Variants in PRKCZ observed in about 807,000 individuals in gnomAD.
PRKCZ encodes protein kinase C zeta type.
A neutral mutation model predicts 79.5 loss-of-function variants in PRKCZ; 33 were observed. The observed-to-expected ratio is 0.41, with a 90% CI of 0.31 to 0.55. The LOEUF is 0.55. PRKCZ is among the 20% of genes least tolerant of loss of function. PRKCZ has a pLI of 0.19. For missense variants in PRKCZ, 578 were observed against 813.5 expected (o/e 0.71, Z 3.52); for synonymous variants, 342 against 320.9 (o/e 1.07, Z -0.70).
intron 4 of PRKCZ, 86 bp from the exon 5 acceptor site, chr1:2,135,176 G>T: frequency 8.5e-7 from 1 of 1,183,272 alleles, no homozygotes; most frequent in Non-Finnish European, 1.2e-6. Flanking sequence ...CCACCACCTG[G>T]ACGGGAGTGG....
chr1:2,074,245 T>C (rs1252734779), intron 4 of PRKCZ: 5 of 1,550,270 alleles, frequency 3.2e-6, no homozygotes, highest in Non-Finnish European at 4.4e-6. Flanking sequence ...CAGGGGCTGC[T>C]GGAGGGACAT....
rs1390025405 is a variant in PRKCZ, at chr1:2,121,717, G to A, written c.335-13545G>A. Among the ~76,000 whole-genome samples the A allele has an allele frequency of 6.0e-5, 7 of 115,962 alleles. 2 individuals are homozygous for A. Among genetic ancestry groups the A allele is most frequent in the African/African-American group, 1.8e-4 (5 of 27,818 alleles). The allele number at this position is 115,962 out of a possible 152,430, so 76.1% of individuals were successfully genotyped here. On this transcript the variant is annotated intron_variant, in intron 4 of 17. Coordinates refer to ENST00000378567, the MANE Select transcript of PRKCZ (RefSeq NM_002744.6). ...GTGGTTAGGGTCACGGTGGTAGTTAGGGTCACGGCGGTACTTAGGGTCACG... is the reference window on the plus strand; with the variant it reads ...GTGGTTAGGGTCACGGTGGTAGTTAAGGTCACGGCGGTACTTAGGGTCACG...
intron 4 of PRKCZ, among the ~76,000 whole-genome samples, chr1:2,090,277 G>A (rs554603280): frequency 1.9e-3 from 295 of 152,314 alleles, no homozygotes; most frequent in Admixed American, 3.2e-3. Flanking sequence ...TTGGCAAGGG[G>A]TTCCCATGGC....
chr1:2,161,160 G>A (rs1018829101), intron 10 of PRKCZ, among the ~76,000 whole-genome samples: 6 of 152,222 alleles, frequency 3.9e-5, no homozygotes, highest in South Asian at 4.1e-4. Context: ...CAGCGTGGGC[G>A]CAGCCGCCTC....
At position 2,148,860 on chromosome 1, in the gene PRKCZ, C is replaced by T. The variant is rs574007909; in HGVS notation, c.635-12C>T. 12 of 1,613,680 alleles carry T rather than the reference C, an allele frequency of 7.4e-6. No homozygotes were observed. The highest frequency in any genetic ancestry group is 1.0e-5 in the Non-Finnish European group (12 of 1,179,678). ...CACCGTAACGCCCCTTCCTTCCTCC[C>T]TCTCTCACCAGTTGCTTACATTTCC... On this transcript the variant is annotated splice_polypyrimidine_tract_variant and intron_variant, in intron 7 of 17. Coordinates refer to ENST00000378567, the MANE Select transcript of PRKCZ (RefSeq NM_002744.6).
chr1:2,130,524 G>C (rs777147882), intron 4 of PRKCZ, among the ~76,000 whole-genome samples: 3 of 152,128 alleles, frequency 2.0e-5, no homozygotes, highest in Non-Finnish European at 4.4e-5. Flanking sequence ...AAACCAATAG[G>C]GTGTGTGTAT....
intron 15 of PRKCZ, 97 bp from the exon 16 acceptor site, chr1:2,175,127 G>A: frequency 2.9e-6 from 3 of 1,044,842 alleles, no homozygotes; most frequent in South Asian, 2.7e-5. Flanking sequence ...AGCATCGGGG[G>A]AGGGCTTGTC....
intron 4 of PRKCZ, among the ~76,000 whole-genome samples, chr1:2,065,861 A>C (rs58996500): frequency 1.3e-5 from 2 of 152,222 alleles, no homozygotes; most frequent in African/African-American, 4.8e-5. Context: ...TGTTTTTATC[A>C]GGAAAGGGCT....
chr1:2,095,243 G>A (rs1666252150), intron 4 of PRKCZ, among the ~76,000 whole-genome samples: 2 of 152,314 alleles, frequency 1.3e-5, no homozygotes, highest in African/African-American at 4.8e-5. Context: ...TGGTTTCCCT[G>A]AGGTTCCCTC....
chr1:2,121,334 C>G (rs1338738480), intron 4 of PRKCZ, among the ~76,000 whole-genome samples: 1 of 152,172 alleles, frequency 6.6e-6, no homozygotes, highest in African/African-American at 2.4e-5. Context: ...GCGTGTACTT[C>G]CGGAATGCTA....
chr1:2,114,873 G>A (rs1176480995), intron 4 of PRKCZ, among the ~76,000 whole-genome samples: 3 of 152,190 alleles, frequency 2.0e-5, no homozygotes, highest in Admixed American at 1.3e-4. Flanking sequence ...TTACGGCCTG[G>A]GTGCCTCCAT....
At chr1:2,143,822 ACT>A (rs1677908090) in intron 5 of PRKCZ, 1 of 165,770 alleles carries the variant, frequency 6.0e-6, no homozygotes, top group Non-Finnish European at 1.3e-5. Context: ...ACCCCCACAC[ACT>A]CTGCTTAGCC....
chr1:2,071,543 G>T (rs770404737), intron 4 of PRKCZ: 5 of 179,592 alleles, frequency 2.8e-5, no homozygotes, highest in Non-Finnish European at 6.1e-5. Context: ...ATTCAGCTTT[G>T]TCTCAAATTA....
intron 4 of PRKCZ, among the ~76,000 whole-genome samples, chr1:2,096,007 C>T (rs929814976): frequency 3.3e-5 from 5 of 149,664 alleles, no homozygotes; most frequent in Non-Finnish European, 5.9e-5. Context: ...CCTCACTCTG[C>T]GGAGTAAATG....
At position 2,073,929 on chromosome 1, in the gene PRKCZ, G is replaced by T; in HGVS notation, c.334+14338G>T. On this transcript the variant is annotated intron_variant, in intron 4 of 17. Coordinates refer to ENST00000378567, the MANE Select transcript of PRKCZ (RefSeq NM_002744.6). The stretch of plus-strand genomic sequence containing the variant: ...GCTGAGGAGGCAGGAGAAGAAAGCC[G>T]GTGAGTCGGGGGCATCTCCCCCGTG... 3.8e-6 allele frequency: 5 copies of T among 1,325,630 alleles called. No homozygotes were observed. In the South Asian group the frequency reaches 5.0e-5, roughly 13 times the overall value. The allele number at this position is 1,325,630 out of a possible 1,614,324, so 82.1% of individuals were successfully genotyped here.
chr1:2,115,263 C>G (rs936697969), intron 4 of PRKCZ, among the ~76,000 whole-genome samples: 7 of 152,268 alleles, frequency 4.6e-5, no homozygotes, highest in Non-Finnish European at 1.5e-5. Flanking sequence ...GAATTCTCCA[C>G]GTCTTATGTA....
At chr1:2,062,229 A>G (rs954666958) in intron 4 of PRKCZ, among the ~76,000 whole-genome samples, 3 of 152,194 alleles carry the variant, frequency 2.0e-5, no homozygotes, top group Non-Finnish European at 4.4e-5. Context: ...ATATTCAAAA[A>G]GGGAACCCCG....
rs985161974 is a variant in PRKCZ at position 2,124,292 on chromosome 1, G to A, written c.335-10970G>A. On this transcript the variant is annotated intron_variant, in intron 4 of 17. Transcript: ENST00000378567. ...AGTTAGGGTCACGGCTGTAGTTAGC[G>A]TCACGGTGGTAGTTAGGGTCACGGT... Among the ~76,000 whole-genome samples the A allele has an allele frequency of 1.7e-5, 2 of 120,664 alleles. 1 individual carries two copies. The highest frequency in any genetic ancestry group is 5.5e-5 in the African/African-American group (2 of 36,156). The allele number at this position is 120,664 out of a possible 152,430, so 79.2% of individuals were successfully genotyped here.
chr1:2,138,805 G>A (rs1028745538), intron 5 of PRKCZ, among the ~76,000 whole-genome samples: 4 of 152,048 alleles, frequency 2.6e-5, no homozygotes, highest in African/African-American at 9.7e-5. Flanking sequence ...GTGGTGGCAC[G>A]TGCCTGTAAT....
Sources: gnomAD v4.1 joint callset for allele counts (sites outside exome capture counted in the v4.1 genomes callset) on GRCh38, gnomAD v4.1.1 for gene constraint, MANE v1.5 for transcripts, NCBI Gene and HGNC (gene_info 2026-07-23, HGNC 2026-07-21) for gene names.